JAZF1: variants seen among roughly 807,000 people sequenced by gnomAD.
JAZF1 encodes JAZF zinc finger 1, also known as juxtaposed with another zinc finger protein 1.
In JAZF1, 8 loss-of-function variants were observed where a neutral mutation model predicts 26.4. That is an observed-to-expected ratio of 0.30 (90% CI 0.18 to 0.55). JAZF1 has a LOEUF of 0.55. Among genes scored for constraint, JAZF1 ranks in the 20% least tolerant of loss-of-function variants. The pLI is 0.94. For missense variants in JAZF1, 199 were observed against 322.0 expected (o/e 0.62, Z 2.92); for synonymous variants, 126 against 122.3 (o/e 1.03, Z -0.20).
intron 2 of JAZF1, among the ~76,000 whole-genome samples, chr7:27,936,732 C>T (rs1188619401): frequency 6.6e-6 from 1 of 152,194 alleles, no homozygotes; most frequent in Non-Finnish European, 1.5e-5. Flanking sequence ...TCCTGATTAT[C>T]TATCCTGCCT....
At chr7:28,156,794 G>A (rs849135) in intron 1 of JAZF1, among the ~76,000 whole-genome samples, 59,661 of 151,900 alleles carry the variant, frequency 0.39, 12,981 homozygotes, top group Non-Finnish European at 0.5. Flanking sequence ...GCAAGAGTAC[G>A]TCACCAAGAA....
intron 2 of JAZF1, among the ~76,000 whole-genome samples, chr7:27,980,651 T>C (rs939440307): frequency 6.6e-6 from 1 of 152,188 alleles, no homozygotes; most frequent in Non-Finnish European, 1.5e-5. Context: ...AAGTCGTCAT[T>C]CTTTTCTGGT....
At chr7:28,083,398 G>A (rs926276732) in intron 1 of JAZF1, among the ~76,000 whole-genome samples, 2 of 152,162 alleles carry the variant, frequency 1.3e-5, no homozygotes, top group African/African-American at 4.8e-5. Context: ...CCTGACCTAT[G>A]AGTTATTGAT....
chr7:27,901,321 T>G (rs1338722946), intron 2 of JAZF1, among the ~76,000 whole-genome samples: 1 of 152,232 alleles, frequency 6.6e-6, no homozygotes, highest in Non-Finnish European at 1.5e-5. Context: ...GACTCCATTA[T>G]AAATCTTTTA....
chr7:28,053,067 T>A (rs1298464146), intron 1 of JAZF1, among the ~76,000 whole-genome samples: 4 of 152,232 alleles, frequency 2.6e-5, no homozygotes, highest in African/African-American at 9.6e-5. Flanking sequence ...ATGCTTTGAC[T>A]CATAGTACAT....
At chr7:28,171,068 T>G (rs73091233) in intron 1 of JAZF1, among the ~76,000 whole-genome samples, 4 of 152,226 alleles carry the variant, frequency 2.6e-5, no homozygotes, top group Non-Finnish European at 4.4e-5. Flanking sequence ...GCTGCCCAAG[T>G]TTGAAAAGCT....
intron 2 of JAZF1, among the ~76,000 whole-genome samples, chr7:27,912,486 T>C (rs1469974086): frequency 6.6e-6 from 1 of 152,094 alleles, no homozygotes; most frequent in Non-Finnish European, 1.5e-5. Flanking sequence ...TATCGAACGA[T>C]AGGAGTCCGA....
intron 1 of JAZF1, among the ~76,000 whole-genome samples, chr7:28,004,277 C>A (rs1461244080): frequency 1.3e-5 from 2 of 152,056 alleles, no homozygotes; most frequent in East Asian, 3.9e-4. Context: ...AGGCTTAATA[C>A]CTGACGCCTA....
chr7:28,143,502 G>A (rs376545263), intron 1 of JAZF1, among the ~76,000 whole-genome samples: 1 of 152,066 alleles, frequency 6.6e-6, no homozygotes, highest in African/African-American at 2.4e-5. Context: ...TTCCATGCAG[G>A]TACACAACCT....
intron 3 of JAZF1, among the ~76,000 whole-genome samples, chr7:27,886,541 T>C (rs1783868084): frequency 6.6e-6 from 1 of 152,246 alleles, no homozygotes; most frequent in African/African-American, 2.4e-5. Context: ...TGACATTTTA[T>C]GGGTGTGAAT....
At chr7:28,147,685 CAA>C (rs113127778) in intron 1 of JAZF1, among the ~76,000 whole-genome samples, 1 of 127,056 alleles carries the variant, frequency 7.9e-6, no homozygotes. Flanking sequence ...CCATCTCTAC[CAA>C]AAAAAAAAAA....
rs10279897 is a variant in JAZF1 at position 28,141,913 on chromosome 7, T to C, written c.115+38550A>G. 8.7e-3 allele frequency among the ~76,000 whole-genome samples: 1,329 copies of C among 152,294 alleles called. 17 individuals carry two copies. Among genetic ancestry groups the C allele is most frequent in the African/African-American group, 0.03 (1,239 of 41,564 alleles). On this transcript the variant is annotated intron_variant, in intron 1 of 4. Transcript: ENST00000283928. Reference sequence around the variant, plus strand: ...CTTGTTACTGGTCAATATTAATATATAACCTCTTATTGGGTTTACAGTCAG... The same window carrying C: ...CTTGTTACTGGTCAATATTAATATACAACCTCTTATTGGGTTTACAGTCAG...
chr7:27,910,797 C>T (rs1784347863), intron 2 of JAZF1, among the ~76,000 whole-genome samples: 1 of 152,174 alleles, frequency 6.6e-6, no homozygotes, highest in Admixed American at 6.5e-5. Flanking sequence ...ACACCCGGGC[C>T]ATTTTTGGTG....
intron 2 of JAZF1, among the ~76,000 whole-genome samples, chr7:27,927,704 T>C (rs2128349286): frequency 6.6e-6 from 1 of 152,228 alleles, no homozygotes; most frequent in East Asian, 1.9e-4. Flanking sequence ...TATATTGCAA[T>C]ATAAAAATAT....
chr7:27,992,267 A>G, intron 1 of JAZF1: 1 of 510,186 alleles, frequency 2.0e-6, no homozygotes, highest in Non-Finnish European at 3.9e-6. Flanking sequence ...TTCACTGCTT[A>G]CAGTTACAAT....
chr7:27,974,651 A>C (rs148232825), intron 2 of JAZF1, among the ~76,000 whole-genome samples: 4 of 152,194 alleles, frequency 2.6e-5, no homozygotes, highest in African/African-American at 9.7e-5. Context: ...TATTAGGTTC[A>C]TCTGAGGCTG....
chr7:27,852,614 G>A (rs112899525), intron 3 of JAZF1, among the ~76,000 whole-genome samples: 466 of 152,112 alleles, frequency 3.1e-3, no homozygotes, highest in Non-Finnish European at 5.0e-3. Context: ...TCCTACTCTT[G>A]CCCCAGGCCC....
chr7:27,946,971 T>G (rs555350727), intron 2 of JAZF1, among the ~76,000 whole-genome samples: 9 of 152,364 alleles, frequency 5.9e-5, no homozygotes, highest in African/African-American at 1.7e-4. Flanking sequence ...CAAAATGTTC[T>G]GAGTAGCTAC....
chr7:28,133,936 C>T (rs918190946), intron 1 of JAZF1, among the ~76,000 whole-genome samples: 6 of 152,216 alleles, frequency 3.9e-5, no homozygotes, highest in Non-Finnish European at 8.8e-5. Flanking sequence ...TGACTTGTCT[C>T]TATCAGTCTT....
Sources: allele counts gnomAD v4.1 joint callset (sites outside exome capture counted in the v4.1 genomes callset), GRCh38; gene constraint gnomAD v4.1.1; transcripts MANE v1.5; gene names NCBI Gene and HGNC (gene_info 2026-07-23, HGNC 2026-07-21).